NHSL2: variants seen among roughly 807,000 people sequenced by gnomAD.
The protein encoded by NHSL2 is NHS-like protein 2.
In NHSL2, 27 loss-of-function variants were observed where a neutral mutation model predicts 53.4. The observed-to-expected ratio is 0.51, with a 90% CI of 0.37 to 0.70. The LOEUF (loss-of-function observed/expected upper bound fraction) is 0.70, where lower values mean the gene tolerates loss of function less well. Ranked by LOEUF, NHSL2 falls within the 30% of genes least tolerant of loss-of-function variation. The pLI is 0.00. For synonymous variants in NHSL2, 408 were observed against 404.1 expected (o/e 1.01, Z -0.12); for missense variants, 892 against 980.1 (o/e 0.91, Z 1.20).
At chrX:71,929,656 C>T (rs1158242022) in intron 1 of NHSL2, among the ~76,000 whole-genome samples, 5 of 111,572 alleles carry the variant, frequency 4.5e-5, no homozygotes, top group African/African-American at 1.6e-4. Context: ...TGCTTGAGTG[C>T]CCTGAAACTC....
At chrX:71,930,315 T>G (rs1164613808) in intron 1 of NHSL2, among the ~76,000 whole-genome samples, 1 of 112,315 alleles carries the variant, frequency 8.9e-6, no homozygotes, top group African/African-American at 3.2e-5. Flanking sequence ...GAACACTCAT[T>G]CCCCAACTCT....
At chrX:72,044,611 T>C in intron 1 of NHSL2, 1 of 1,125,568 alleles carries the variant, frequency 8.9e-7, no homozygotes, top group Non-Finnish European at 1.2e-6. Flanking sequence ...GCCTATTCGC[T>C]GCACTAACTG....
intron 1 of NHSL2, among the ~76,000 whole-genome samples, chrX:72,102,096 G>C (rs2041998797): frequency 8.9e-6 from 1 of 112,621 alleles, no homozygotes; most frequent in Non-Finnish European, 1.9e-5. Context: ...GAGCTACCCA[G>C]TAGCATTCTC....
At chrX:71,978,376 C>G (rs2041958318) in intron 1 of NHSL2, among the ~76,000 whole-genome samples, 1 of 112,096 alleles carries the variant, frequency 8.9e-6, no homozygotes, top group South Asian at 3.7e-4. Flanking sequence ...GCTTTATACC[C>G]AACTGCAGCC....
In NHSL2 at chrX:71,915,694, G is replaced by A. The variant is rs940723643; in HGVS notation, c.280+4327G>A. Among the ~76,000 whole-genome samples, 6 of 111,449 alleles carry A rather than the reference G, an allele frequency of 5.4e-5. No individual in the cohort carries two copies. In the Admixed American group the frequency reaches 5.7e-4, roughly 11 times the overall value. On this transcript the variant is annotated intron_variant, in intron 1 of 7. Coordinates refer to ENST00000633930, the MANE Select transcript of NHSL2 (RefSeq NM_001013627.3). The stretch of plus-strand genomic sequence containing the variant: ...TCTGCTGATTTGGGAATGTGGTACC[G>A]GCTGGGTCACACAGCAGGTCAGTGA...
intron 1 of NHSL2, among the ~76,000 whole-genome samples, chrX:72,105,302 T>C (rs1021187428): frequency 2.7e-5 from 3 of 111,163 alleles, no homozygotes; most frequent in Admixed American, 1.9e-4. Context: ...CAGCTCAAGG[T>C]CTGGTGTTCT....
chrX:72,115,157 G>A (rs937925526), intron 1 of NHSL2, among the ~76,000 whole-genome samples: 2 of 111,181 alleles, frequency 1.8e-5, no homozygotes, highest in African/African-American at 6.6e-5. Context: ...TTCTTTCCCT[G>A]TTAACACAGC....
At chrX:71,926,435 T>A (rs1471945334) in intron 1 of NHSL2, among the ~76,000 whole-genome samples, 1 of 111,671 alleles carries the variant, frequency 9.0e-6, no homozygotes, top group Admixed American at 9.5e-5. Flanking sequence ...AGATACTGGT[T>A]TTGGTTTTCA....
intron 1 of NHSL2, among the ~76,000 whole-genome samples, chrX:71,996,151 A>G (rs1435448970): frequency 8.8e-6 from 1 of 113,242 alleles, no homozygotes; most frequent in African/African-American, 3.2e-5. Flanking sequence ...GACAAGCATT[A>G]TGAGCCTCTG....
chrX:71,993,894 C>T (rs1279992580), intron 1 of NHSL2, among the ~76,000 whole-genome samples: 2 of 111,298 alleles, frequency 1.8e-5, no homozygotes, highest in Non-Finnish European at 3.8e-5. Context: ...TATGGCCAAA[C>T]CAAAAGCATC....
rs138487171 is a variant in NHSL2 at position 71,942,431 on chromosome X, C to A, written c.280+31064C>A. Among the ~76,000 whole-genome samples the A allele has an allele frequency of 3.9e-3, 444 of 112,504 alleles. 3 individuals are homozygous for A. The highest frequency in any genetic ancestry group is 0.014 in the African/African-American group (426 of 31,043). On this transcript the variant is annotated intron_variant, in intron 1 of 7. Coordinates refer to ENST00000633930, the MANE Select transcript of NHSL2 (RefSeq NM_001013627.3). ...TCAGATATCAGGCTCCTTGAAATGA[C>A]CTGGTCCCTGATGACTTGTGTCTGA...
chrX:71,917,457 G>C (rs1414790916), intron 1 of NHSL2, among the ~76,000 whole-genome samples: 1 of 110,448 alleles, frequency 9.1e-6, no homozygotes, highest in Non-Finnish European at 1.9e-5. Context: ...CTGTTAGATT[G>C]AATACCTTCT....
In NHSL2 at chrX:72,093,646, G is replaced by A. The variant is rs555840878; in HGVS notation, c.281-38433G>A. On this transcript the variant is annotated intron_variant, in intron 1 of 7. Coordinates refer to ENST00000633930, the MANE Select transcript of NHSL2 (RefSeq NM_001013627.3). ...TGCTTCCATTTTCACCTTATTACTA[G>A]CAATGGAGCAATGAACATCCTTGGA... Among the ~76,000 whole-genome samples the A allele has an allele frequency of 2.8e-3, 316 of 112,307 alleles. 1 individual carries two copies. The highest frequency in any genetic ancestry group is 9.6e-3 in the African/African-American group (295 of 30,889).
At chrX:72,070,431 C>T (rs2042461321) in intron 1 of NHSL2, among the ~76,000 whole-genome samples, 1 of 111,162 alleles carries the variant, frequency 9.0e-6, no homozygotes, top group Non-Finnish European at 1.9e-5. Flanking sequence ...CTCAAGGGTG[C>T]TGGCATAGTT....
At chrX:71,923,621 G>A (rs925738177) in intron 1 of NHSL2, among the ~76,000 whole-genome samples, 4 of 111,940 alleles carry the variant, frequency 3.6e-5, no homozygotes, top group Admixed American at 9.4e-5. Flanking sequence ...AATCCCCACT[G>A]GCTTTAACTC....
At chrX:72,055,010 G>T (rs2042360584) in intron 1 of NHSL2, among the ~76,000 whole-genome samples, 1 of 111,562 alleles carries the variant, frequency 9.0e-6, no homozygotes, top group South Asian at 3.7e-4. Context: ...TTTGCCTGTT[G>T]TCCCGTCTCC....
At chrX:72,069,263 C>CG in intron 1 of NHSL2, among the ~76,000 whole-genome samples, 1 of 110,910 alleles carries the variant, frequency 9.0e-6, no homozygotes, top group Non-Finnish European at 1.9e-5. Context: ...AGTCGGGTCC[C>CG]GGGGGGTGCC....
At chrX:72,044,668 C>T (rs2042295186) in intron 1 of NHSL2, 4 of 1,164,160 alleles carry the variant, frequency 3.4e-6, no homozygotes, top group East Asian at 3.0e-5. Flanking sequence ...ATTCGTCATT[C>T]GAAACATAGT....
chrX:72,109,748 T>C (rs1215319960), intron 1 of NHSL2, among the ~76,000 whole-genome samples: 1 of 111,827 alleles, frequency 8.9e-6, no homozygotes, highest in African/African-American at 3.3e-5. Flanking sequence ...ATTACAGGCA[T>C]GAGCCACCTC....
Sources: gnomAD v4.1 joint callset for allele counts (sites outside exome capture counted in the v4.1 genomes callset) on GRCh38, gnomAD v4.1.1 for gene constraint, MANE v1.5 for transcripts, NCBI Gene and HGNC (gene_info 2026-07-23, HGNC 2026-07-21) for gene names.